The following DDR1 variants were observed in gnomAD, a reference collection of about 807,000 sequenced individuals.
DDR1 encodes epithelial discoidin domain-containing receptor 1.
In DDR1, 64 loss-of-function variants were observed where a neutral mutation model predicts 97.4. The observed-to-expected ratio is 0.66, with a 90% confidence interval of 0.54 to 0.81. The LOEUF is 0.81. DDR1 is among the 30% of genes least tolerant of loss of function. The pLI is 0.00. For synonymous variants in DDR1, 458 were observed against 503.7 expected, an observed-to-expected ratio of 0.91 and a Z score of 1.21; for missense variants, 990 against 1,259.6, an observed-to-expected ratio of 0.79 and a Z score of 3.24.
intron 10 of DDR1, among the ~76,000 whole-genome samples, chr6:30,893,922 G>A (rs1303048195): frequency 1.3e-5 from 2 of 152,178 alleles, no homozygotes; most frequent in African/African-American, 2.4e-5. Context: ...CCCAAGCCAC[G>A]TCTTCCGGCT....
chr6:30,888,937 G>T lies in DDR1; in HGVS notation c.115G>T (p.Asp39Tyr), dbSNP rs1786906337. The T allele has an allele frequency of 6.2e-7, 1 of 1,612,876 alleles. No individual in the cohort carries two copies. Among genetic ancestry groups the T allele is most frequent in the Non-Finnish European group, 8.5e-7 (1 of 1,180,036 alleles). The change falls in exon 3 of 18, where the codon GAC (aspartate) becomes TAC (tyrosine). Residue 39 changes from aspartate (D) to tyrosine (Y), a missense_variant. Asp to Tyr is a radical substitution (Grantham distance 160). Transcript: ENST00000376568. This position sits in a 1 kb window ranked among gnomAD's most constrained non-coding sequence, Gnocchi z 4.2. ...GTGCCGCTATGCCCTGGGCATGCAG[G>T]ACCGGACCATCCCAGACAGTGACAT... Reference protein sequence around the residue: ...AKCRYALGMQDRTIPDSDISA... With the variant: ...AKCRYALGMQYRTIPDSDISA...
chr6:30,884,213 AGGCAGCGGCGCGGGCGGCTGGG>A (rs1784884287), upstream of DDR1: 1 of 131,446 alleles, frequency 7.6e-6, no homozygotes, highest in South Asian at 2.1e-4. This position sits in a 1 kb window ranked among gnomAD's most constrained non-coding sequence, Gnocchi z 6.1. Flanking sequence ...AGCCGGCCGG[AGGCAGCGGCGCGGGCGGCTGGG>A]CGGCCTGGGA....
At chr6:30,896,135 TGGGTTGAAA>T (rs2150413777) in intron 12 of DDR1, among the ~76,000 whole-genome samples, 1 of 151,250 alleles carries the variant, frequency 6.6e-6, no homozygotes, top group African/African-American at 2.4e-5. Flanking sequence ...CTTGGTGTGT[TGGGTTGAAA>T]GGGTTGGGAG....
chr6:30,895,398 C>T lies in DDR1; in HGVS notation c.1514-6C>T, dbSNP rs568622735. ...CCCGTGTTTCCCCTCCTCCTTCTCC[C>T]GACAGCGTTGCTGCTCTCCAATCCA... On this transcript the variant is annotated splice_polypyrimidine_tract_variant and splice_region_variant and intron_variant, in intron 11 of 17. Coordinates refer to ENST00000376568, the MANE Select transcript of DDR1 (RefSeq NM_001297654.2). 8.7e-5 allele frequency: 140 copies of T among 1,606,404 alleles called. No individual in the cohort carries two copies. The highest frequency in any genetic ancestry group is 1.1e-4 in the Non-Finnish European group (128 of 1,176,296).
Position 30,894,706 on chromosome 6 carries a change from C to A in DDR1, c.1513+35C>A. On this transcript the variant is annotated intron_variant, in intron 11 of 17. Transcript: ENST00000376568. This position sits in a 1 kb window ranked among gnomAD's most constrained non-coding sequence, Gnocchi z 5.7. ...GCCTTGTTCCAGTCGCACCTCTGTC[C>A]TCTCTGCTGTTTTCTTATTGTATCC... 6.6e-7 allele frequency: 1 copy of A among 1,521,676 alleles called. No individual in the cohort carries two copies. Among genetic ancestry groups the A allele is most frequent in the Non-Finnish European group, 8.8e-7 (1 of 1,132,108 alleles). The allele number at this position is 1,521,676 out of a possible 1,614,324, so 94.3% of individuals were successfully genotyped here.
In DDR1 at chr6:30,897,393, AAG is replaced by A. The variant is rs1187979569; in HGVS notation, c.2015_2016del (p.Glu672GlyfsTer30). On this transcript the variant is annotated frameshift_variant, in exon 15 of 18. Coordinates refer to ENST00000376568, the MANE Select transcript of DDR1 (RefSeq NM_001297654.2). LOFTEE classifies it high-confidence loss of function. This position sits in a 1 kb window ranked among gnomAD's most constrained non-coding sequence, Gnocchi z 5.2. ...TTGTTCTCCAGGAATGATTTCCTGA[AAG>A]AGGTGAAGATCATGTCGAGGCTCAA... 1.2e-6 allele frequency: 2 copies of A among 1,613,948 alleles called. No individual in the cohort carries two copies. The highest frequency in any genetic ancestry group is 2.7e-5 in the African/African-American group (2 of 74,886).
At chr6:30,892,721 G>A in intron 8 of DDR1, 179 bp downstream of exon 8, 4 of 762,046 alleles carry the variant, frequency 5.2e-6, no homozygotes, top group Admixed American at 3.4e-5. Flanking sequence ...TGTTCTCTGC[G>A]TATCCATCTT....
At chr6:30,887,873 T>A (rs2150267825) in intron 1 of DDR1, among the ~76,000 whole-genome samples, 1 of 152,352 alleles carries the variant, frequency 6.6e-6, no homozygotes, top group South Asian at 2.1e-4. Flanking sequence ...GTGCTGGGGT[T>A]ACAGGCATGA....
At position 30,897,137 on chromosome 6, in the gene DDR1, G is replaced by A. The variant is rs1286653064; in HGVS notation, c.1993G>A (p.Ala665Thr). The A allele has an allele frequency of 1.2e-6, 2 of 1,613,828 alleles. No homozygotes were observed. The highest frequency in any genetic ancestry group is 3.3e-5 in the Admixed American group (2 of 59,986). Residue 665 changes from alanine to threonine, a missense_variant, in exon 14 of 18, where the codon GCC becomes ACC. Physicochemically the swap from Ala to Thr is moderately conservative, Grantham distance 58. Coordinates refer to ENST00000376568, the MANE Select transcript of DDR1 (RefSeq NM_001297654.2). The surrounding 1 kb of genome is among the most constrained non-coding windows in gnomAD (Gnocchi z 5.2). ...KILRPDATKN[A>T]RNDFLKEVKI... is the part of the protein sequence containing the mutation. ...CTTACGGCCAGATGCCACCAAGAAT[G>A]CCAGGTGAGGACCAGGGATGGCATC...
rs751179830 is a variant in DDR1 at position 30,899,132 on chromosome 6, C to T, written c.2602-24C>T. The T allele has an allele frequency of 3.1e-6, 5 of 1,614,078 alleles. No homozygotes were observed. In the African/African-American group the frequency reaches 4.0e-5, roughly 13 times the overall value. ...ACTAAAGAATATTTGTTCCCTGACT[C>T]TCATCCACACTGCCACAATGCAGGT... On this transcript the variant is annotated intron_variant, in intron 17 of 17. Coordinates refer to ENST00000376568, the MANE Select transcript of DDR1 (RefSeq NM_001297654.2).
At position 30,885,329 on chromosome 6, in the gene DDR1, C is replaced by T. The variant is rs568673536; in HGVS notation, c.-43+619C>T. On this transcript the variant is annotated intron_variant, in intron 1 of 17. Coordinates refer to ENST00000376568, the MANE Select transcript of DDR1 (RefSeq NM_001297654.2). The stretch of plus-strand genomic sequence containing the variant: ...GCAGCCAGAGGCAGGCGCCCAAGCT[C>T]GCTGGCTGTTGCTGAGGGCCTGTAG... 5 of 1,450,720 alleles carry T rather than the reference C, an allele frequency of 3.4e-6. No homozygotes were observed. In the African/African-American group the frequency reaches 4.2e-5, roughly 12 times the overall value. 89.9% of individuals were successfully genotyped at this position (1,450,720 alleles called of 1,614,324 possible).
In DDR1 at chr6:30,892,389, G is replaced by A. The variant is rs1562388782; in HGVS notation, c.946G>A (p.Glu316Lys). 1.3e-6 allele frequency: 2 copies of A among 1,595,352 alleles called. No homozygotes were observed. The highest frequency in any genetic ancestry group is 1.7e-6 in the Non-Finnish European group (2 of 1,173,836). Reference protein sequence around the residue: ...RRGPAMAWEGEPMRHNLGGNL... With the variant: ...RRGPAMAWEGKPMRHNLGGNL... ...TGGCCCTGCCATGGCCTGGGAGGGG[G>A]AGCCCATGCGCCACAACCTAGGGGG... Residue 316 changes from glutamate (E) to lysine (K), a missense_variant, in exon 8 of 18, where the codon GAG becomes AAG. Glu to Lys is a moderately conservative substitution (Grantham distance 56). Coordinates refer to ENST00000376568, the MANE Select transcript of DDR1 (RefSeq NM_001297654.2).
intron 12 of DDR1, 103 bp from the exon 13 acceptor site, chr6:30,896,518 A>T: frequency 7.1e-7 from 1 of 1,415,964 alleles, no homozygotes; most frequent in South Asian, 1.4e-5. Context: ...CTCTCACTCA[A>T]CCGGGAGACA....
rs777162611 is a variant in DDR1, at chr6:30,891,265, G to A, written c.566-115G>A. ...GGCTAGCCAGCATTGTCTCCTCCATGCCAATGAGCCAGTGGAGAGATACAA... is the reference window on the plus strand; with the variant it reads ...GGCTAGCCAGCATTGTCTCCTCCATACCAATGAGCCAGTGGAGAGATACAA... On this transcript the variant is annotated intron_variant, in intron 5 of 17. Coordinates refer to ENST00000376568, the MANE Select transcript of DDR1 (RefSeq NM_001297654.2). This position sits in a 1 kb window ranked among gnomAD's most constrained non-coding sequence, Gnocchi z 5.3. The A allele has an allele frequency of 7.1e-7, 1 of 1,408,042 alleles. No homozygotes were observed. Among genetic ancestry groups the A allele is most frequent in the South Asian group, 1.3e-5 (1 of 79,372 alleles). 87.2% of individuals were successfully genotyped at this position (1,408,042 alleles called of 1,614,324 possible).
chr6:30,885,932 T>C, intron 1 of DDR1: 1 of 726,518 alleles, frequency 1.4e-6, no homozygotes, highest in South Asian at 1.4e-5. Context: ...GGCCCCTGGT[T>C]TGTCTTTGGT....
rs368995665 is a variant in DDR1 at position 30,888,705 on chromosome 6, C to G, written c.-25C>G. ...CCCTGCAGAGATGCTGCCCCCACCC[C>G]CTTAGGCCCGAGGGATCAGGAGCTA... On this transcript the variant is annotated 5_prime_UTR_variant, in exon 2 of 18. Coordinates refer to ENST00000376568, the MANE Select transcript of DDR1 (RefSeq NM_001297654.2). The surrounding 1 kb of genome is among the most constrained non-coding windows in gnomAD (Gnocchi z 4.2). The G allele has an allele frequency of 3.8e-4, 620 of 1,612,464 alleles. No homozygotes were observed. The highest frequency in any genetic ancestry group is 5.1e-4 in the Non-Finnish European group (600 of 1,179,888).
chr6:30,895,348 G>A (rs1790318176), intron 11 of DDR1, 56 bp from the exon 12 acceptor site: 1 of 1,375,724 alleles, frequency 7.3e-7, no homozygotes, highest in Non-Finnish European at 1.0e-6. Context: ...CTCCCTGTCT[G>A]TCTAGCCTTG....
chr6:30,897,478 G>A lies in DDR1; in HGVS notation c.2097G>A (p.Met699Ile), dbSNP rs771494535. 2 of 1,614,132 alleles carry A rather than the reference G, an allele frequency of 1.2e-6. No homozygotes were observed. The highest frequency in any genetic ancestry group is 2.2e-5 in the South Asian group (2 of 91,082). The change falls in exon 15 of 18, where the codon ATG becomes ATA. Residue 699 changes from methionine to isoleucine, a missense_variant. Coordinates refer to ENST00000376568, the MANE Select transcript of DDR1 (RefSeq NM_001297654.2). This position sits in a 1 kb window ranked among gnomAD's most constrained non-coding sequence, Gnocchi z 5.2. Reference protein sequence around the residue: ...GVCVQDDPLCMITDYMENGDL... With the variant: ...GVCVQDDPLCIITDYMENGDL... ...GTGTGCAGGACGACCCCCTCTGCAT[G>A]ATTACTGACTACATGGAGAACGGCG... is the stretch of plus-strand genomic sequence containing the variant.
chr6:30,892,954 C>T, intron 8 of DDR1, 114 bp from the exon 9 acceptor site: 1 of 921,304 alleles, frequency 1.1e-6, no homozygotes, highest in Non-Finnish European at 1.7e-6. Flanking sequence ...TCAGTGGTTG[C>T]CTATTGAGAA....
Sources: allele counts gnomAD v4.1 joint callset (sites outside exome capture counted in the v4.1 genomes callset), GRCh38; gene constraint gnomAD v4.1.1; non-coding constraint Gnocchi (gnomAD v3.1); transcripts MANE v1.5; gene names NCBI Gene and HGNC (gene_info 2026-07-23, HGNC 2026-07-21).